Variants in PUM2 observed in about 807,000 individuals in gnomAD.
The protein encoded by PUM2 is pumilio homolog 2.
Under a neutral mutation model 124.5 loss-of-function variants are expected in PUM2, and 57 were observed. That is an observed-to-expected ratio of 0.46 (90% CI 0.37 to 0.57). The LOEUF is 0.57. Ranked by LOEUF, PUM2 falls within the 20% of genes least tolerant of loss-of-function variation. PUM2 has a pLI of 0.00. For missense variants in PUM2, 1,065 were observed against 1,290.6 expected, an observed-to-expected ratio of 0.83 and a Z score of 2.68; for synonymous variants, 460 against 446.1, an observed-to-expected ratio of 1.03 and a Z score of -0.39.
At chr2:20,334,155 T>TA (rs1685502044) in intron 1 of PUM2, among the ~76,000 whole-genome samples, 1 of 151,988 alleles carries the variant, frequency 6.6e-6, no homozygotes, top group Admixed American at 6.6e-5. Context: ...AAATTTTTTT[T>TA]TAAAAAATTA....
chr2:20,268,168 C>T (rs4666299), intron 13 of PUM2, among the ~76,000 whole-genome samples: 48,524 of 152,088 alleles, frequency 0.32, 8,592 homozygotes, highest in East Asian at 0.74. Context: ...AGATTCCTGA[C>T]CCTTACTTAA....
chr2:20,316,131 C>G (rs1325987449), intron 3 of PUM2, among the ~76,000 whole-genome samples: 1 of 152,026 alleles, frequency 6.6e-6, no homozygotes, highest in Non-Finnish European at 1.5e-5. Flanking sequence ...TTTATATTCT[C>G]CAAACCTGGC....
intron 1 of PUM2, among the ~76,000 whole-genome samples, chr2:20,329,325 G>A (rs567610178): frequency 8.0e-5 from 12 of 150,528 alleles, no homozygotes; most frequent in African/African-American, 2.9e-4. Context: ...ACAGCTACTC[G>A]GGAGGCTGAG....
At chr2:20,258,419 T>C in intron 15 of PUM2, 48 bp from the exon 16 acceptor site, 2 of 1,576,778 alleles carry the variant, frequency 1.3e-6, no homozygotes, top group Non-Finnish European at 1.7e-6. Flanking sequence ...TAATATTGCT[T>C]TGTTGAACTT....
chr2:20,281,056 T>C (rs1410247044), intron 12 of PUM2, among the ~76,000 whole-genome samples: 1 of 152,146 alleles, frequency 6.6e-6, no homozygotes, highest in African/African-American at 2.4e-5. Flanking sequence ...CATGTAAGTA[T>C]GTAATTGCCA....
Position 20,251,552 on chromosome 2 carries a change from G to C in PUM2, c.*33C>G, listed in dbSNP as rs770369188. ...CACACAAAAAAATTCTTTTCACATGGTTAAATTATCTTCTTTCTCTTGCTC... is the reference window on the plus strand; with the variant it reads ...CACACAAAAAAATTCTTTTCACATGCTTAAATTATCTTCTTTCTCTTGCTC... On this transcript the variant is annotated 3_prime_UTR_variant, in exon 21 of 21. Coordinates refer to ENST00000361078, the MANE Select transcript of PUM2 (RefSeq NM_015317.5). 6.3e-7 allele frequency: 1 copy of C among 1,585,798 alleles called. No individual in the cohort carries two copies. The highest frequency in any genetic ancestry group is 1.7e-5 in the Admixed American group (1 of 57,240).
intron 1 of PUM2, among the ~76,000 whole-genome samples, chr2:20,348,489 G>A (rs372634235): frequency 3.3e-5 from 5 of 152,240 alleles, no homozygotes; most frequent in African/African-American, 1.2e-4. Context: ...TGCAGATCAT[G>A]TTAGGGTCTA....
intron 13 of PUM2, among the ~76,000 whole-genome samples, chr2:20,264,104 C>G (rs953991228): frequency 6.6e-6 from 1 of 150,710 alleles, no homozygotes; most frequent in African/African-American, 2.4e-5. Flanking sequence ...TTTGGATGGT[C>G]GAGGAGGGCG....
chr2:20,334,990 G>C (rs563708219), intron 1 of PUM2, among the ~76,000 whole-genome samples: 12 of 151,912 alleles, frequency 7.9e-5, no homozygotes, highest in Non-Finnish European at 1.8e-4. Context: ...CTCTATCACC[G>C]AAGCTAGAGT....
intron 13 of PUM2, among the ~76,000 whole-genome samples, chr2:20,269,855 C>A (rs1328597241): frequency 6.6e-6 from 1 of 152,172 alleles, no homozygotes; most frequent in Non-Finnish European, 1.5e-5. Flanking sequence ...GGCAGACTAT[C>A]ACCATACAAG....
chr2:20,330,822 AG>A (rs1433163740), intron 1 of PUM2, among the ~76,000 whole-genome samples: 31 of 152,204 alleles, frequency 2.0e-4, no homozygotes, highest in Admixed American at 7.9e-4. Flanking sequence ...TGAAGTAGGG[AG>A]GAAGTCTTAT....
At chr2:20,293,424 A>C (rs1376117104) in intron 9 of PUM2, among the ~76,000 whole-genome samples, 3 of 152,234 alleles carry the variant, frequency 2.0e-5, no homozygotes, top group Non-Finnish European at 4.4e-5. Flanking sequence ...ATCAAAATAT[A>C]TTACCCGAGA....
chr2:20,340,494 G>C (rs1687015732), intron 1 of PUM2, among the ~76,000 whole-genome samples: 1 of 152,184 alleles, frequency 6.6e-6, no homozygotes, highest in Non-Finnish European at 1.5e-5. Flanking sequence ...TCAGGGATGG[G>C]AGCACCCCAA....
At chr2:20,276,258 C>CTTT (rs36031998) in intron 13 of PUM2, among the ~76,000 whole-genome samples, 59 of 143,264 alleles carry the variant, frequency 4.1e-4, no homozygotes, top group African/African-American at 1.1e-3. Flanking sequence ...AAAATGAAAA[C>CTTT]TTTTTTTTTT....
intron 3 of PUM2, among the ~76,000 whole-genome samples, chr2:20,318,236 A>T (rs1681473704): frequency 6.6e-6 from 1 of 151,572 alleles, no homozygotes; most frequent in Non-Finnish European, 1.5e-5. Flanking sequence ...ACAATCAATT[A>T]AAAAAAAACC....
At chr2:20,305,905 A>C (rs988542309) in intron 7 of PUM2, among the ~76,000 whole-genome samples, 1 of 152,206 alleles carries the variant, frequency 6.6e-6, no homozygotes, top group Non-Finnish European at 1.5e-5. Flanking sequence ...AAAAATAAAG[A>C]CACATCACAC....
intron 19 of PUM2, 130 bp from the exon 20 acceptor site, chr2:20,254,144 G>T: frequency 1.3e-6 from 1 of 796,020 alleles, no homozygotes; most frequent in Non-Finnish European, 1.9e-6. Flanking sequence ...CTTGTCTTAT[G>T]ATTACTTTTA....
chr2:20,263,276 G>A lies in PUM2; in HGVS notation c.2142C>T (p.Phe714=). 1.2e-6 allele frequency: 2 copies of A among 1,613,124 alleles called. No homozygotes were observed. The highest frequency in any genetic ancestry group is 1.7e-6 in the Non-Finnish European group (2 of 1,179,082). ...GAAGGTTTGGGAAGCGGTTGTTTCTGAAATCTTCCAATAATCTACTGCGGC... is the reference window on the plus strand; with the variant it reads ...GAAGGTTTGGGAAGCGGTTGTTTCTAAAATCTTCCAATAATCTACTGCGGC... ...PSGRSRLLED[F]RNNRFPNLQL... is the part of the protein sequence containing the mutation. Residue 714 remains phenylalanine (F), a synonymous_variant, in exon 14 of 21, where the codon TTC becomes TTT. Coordinates refer to ENST00000361078, the MANE Select transcript of PUM2 (RefSeq NM_015317.5).
intron 1 of PUM2, among the ~76,000 whole-genome samples, chr2:20,348,242 A>G (rs573924825): frequency 6.6e-6 from 1 of 152,266 alleles, no homozygotes; most frequent in African/African-American, 2.4e-5. Flanking sequence ...ACCTGGCTAT[A>G]AGTGTAATTT....
Sources: allele counts gnomAD v4.1 joint callset (sites outside exome capture counted in the v4.1 genomes callset), GRCh38; gene constraint gnomAD v4.1.1; transcripts MANE v1.5; gene names NCBI Gene and HGNC (gene_info 2026-07-23, HGNC 2026-07-21).